Variants in ZNF138 observed in about 807,000 individuals in gnomAD.
ZNF138 encodes zinc finger protein 138 (clone pHZ-32).
ZNF138 carries 33 observed loss-of-function variants against 33.0 expected under a neutral mutation model. The ratio of observed to expected loss-of-function variants is 1.00; its 90% CI spans 0.76 to 1.34. The LOEUF is 1.34. Ranked by LOEUF, ZNF138 falls within the 40% of genes most tolerant of loss-of-function variation. The pLI, the probability that ZNF138 is intolerant of heterozygous loss-of-function variation, is 0.00. For missense variants in ZNF138, 360 were observed against 370.8 expected, an observed-to-expected ratio of 0.97 and a Z score of 0.24; for synonymous variants, 139 against 120.4, an observed-to-expected ratio of 1.15 and a Z score of -1.01.
chr7:64,815,518 T>A, intron 2 of ZNF138, 58 bp from the exon 3 acceptor site: 1 of 1,506,328 alleles, frequency 6.6e-7, no homozygotes, highest in Non-Finnish European at 9.1e-7. Flanking sequence ...TTGGAGAATA[T>A]GAGCCAGAGT....
the ZNF138 span, chr7:64,852,587 G>T: frequency 6.5e-7 from 1 of 1,538,434 alleles, no homozygotes; most frequent in Non-Finnish European, 9.0e-7. Context: ...TTGCTCACAT[G>T]GTAAACAGAT....
chr7:64,806,169 C>T lies in ZNF138; in HGVS notation c.4-8749C>T, dbSNP rs146006761. Among the ~76,000 whole-genome samples, 147 of 152,268 alleles carry T rather than the reference C, an allele frequency of 9.7e-4. 1 individual carries two copies. Among genetic ancestry groups the T allele is most frequent in the African/African-American group, 3.1e-3 (129 of 41,560 alleles). ...CCAACCAAGCTTTAATCTAGAGGGG[C>T]CTTTCTCAGGCTTCCAGTCAACTCA... On this transcript the variant is annotated intron_variant, in intron 1 of 3. Coordinates refer to ENST00000307355, the MANE Select transcript of ZNF138 (RefSeq NM_001271639.2).
chr7:64,828,010 T>G (rs1289759778), intron 3 of ZNF138, among the ~76,000 whole-genome samples: 4 of 152,166 alleles, frequency 2.6e-5, no homozygotes, highest in Non-Finnish European at 5.9e-5. Flanking sequence ...GTGTTTTTTA[T>G]AACTTATTTA....
the ZNF138 span, among the ~76,000 whole-genome samples, chr7:64,839,822 A>G: frequency 1.3e-5 from 2 of 152,076 alleles, no homozygotes; most frequent in African/African-American, 4.8e-5. Flanking sequence ...ATGAAAGGCA[A>G]TGGAAGGGCA....
At chr7:64,846,269 C>T in the ZNF138 span, among the ~76,000 whole-genome samples, 9 of 151,854 alleles carry the variant, frequency 5.9e-5, no homozygotes, top group African/African-American at 2.2e-4. Context: ...CCATATGAAT[C>T]GTAGGATTGT....
At position 64,832,226 on chromosome 7, in the gene ZNF138, T is replaced by G. The variant is rs984627087; in HGVS notation, c.*24T>G. 1.2e-6 allele frequency: 2 copies of G among 1,602,530 alleles called. No homozygotes were observed. Among genetic ancestry groups the G allele is most frequent in the Non-Finnish European group, 1.7e-6 (2 of 1,176,714 alleles). ...AACAACTTACTGAACATAAGAAAAT[T>G]TACACTAGAGAGAAAGCCTACAAAT... On this transcript the variant is annotated 3_prime_UTR_variant, in exon 4 of 4. Coordinates refer to ENST00000307355, the MANE Select transcript of ZNF138 (RefSeq NM_001271639.2).
the ZNF138 span, among the ~76,000 whole-genome samples, chr7:64,839,267 G>T: frequency 3.4e-3 from 519 of 152,286 alleles, 8 homozygotes; most frequent in African/African-American, 0.012. Context: ...TTAAATCTTG[G>T]TCGAGTTGTA....
Position 64,832,449 on chromosome 7 carries a change from TACTC to T in ZNF138, c.*249_*252del, listed in dbSNP as rs1790175166. 4.3e-6 allele frequency: 6 copies of T among 1,408,278 alleles called. No individual in the cohort carries two copies. The highest frequency in any genetic ancestry group is 5.6e-6 in the Non-Finnish European group (6 of 1,064,800). The allele number at this position is 1,408,278 out of a possible 1,614,324, so 87.2% of individuals were successfully genotyped here. On this transcript the variant is annotated 3_prime_UTR_variant, in exon 4 of 4. Coordinates refer to ENST00000307355, the MANE Select transcript of ZNF138 (RefSeq NM_001271639.2). ...AGAATGTGGAAAAGCTTTTCACCGA[TACTC>T]AATCCTTAGTACACATAAGAAAATT...
intron 3 of ZNF138, among the ~76,000 whole-genome samples, chr7:64,825,496 C>A (rs1266328598): frequency 6.7e-6 from 1 of 149,392 alleles, no homozygotes; most frequent in Admixed American, 6.7e-5. Context: ...TTAAGCCACT[C>A]GGGCATTTTC....
chr7:64,809,013 T>C (rs1390985047), intron 1 of ZNF138, among the ~76,000 whole-genome samples: 205 of 119,612 alleles, frequency 1.7e-3, no homozygotes, highest in East Asian at 2.3e-3. Flanking sequence ...AACCATCCGA[T>C]TTCTCAATCT....
Position 64,833,573 on chromosome 7 carries a change from T to A in ZNF138, c.*1371T>A, listed in dbSNP as rs1478367121. The A allele has an allele frequency of 6.5e-6, 1 of 154,146 alleles. No homozygotes were observed. Among genetic ancestry groups the A allele is most frequent in the Admixed American group, 6.5e-5 (1 of 15,366 alleles). The allele number at this position is 154,146 out of a possible 1,614,324, so 9.5% of individuals were successfully genotyped here. ...ATTTATACTTCAGAAAATGTTGTAC[T>A]GATATAAAGAATGTAGAAAAGCCAT... On this transcript the variant is annotated 3_prime_UTR_variant, in exon 4 of 4. Coordinates refer to ENST00000307355, the MANE Select transcript of ZNF138 (RefSeq NM_001271639.2).
At chr7:64,823,559 C>A (rs1789338366) in intron 3 of ZNF138, among the ~76,000 whole-genome samples, 1 of 152,176 alleles carries the variant, frequency 6.6e-6, no homozygotes. Context: ...TGGTCTCAAA[C>A]TTCTGGCTTC....
At chr7:64,815,091 C>CTT in intron 2 of ZNF138, 47 bp downstream of exon 2, 1 of 1,333,916 alleles carries the variant, frequency 7.5e-7, no homozygotes, top group Non-Finnish European at 9.8e-7. Context: ...CTAAAGGTTT[C>CTT]ATTTTTTTTT....
chr7:64,813,435 GATTT>G (rs1788342535), intron 1 of ZNF138, among the ~76,000 whole-genome samples: 2 of 130,268 alleles, frequency 1.5e-5, no homozygotes, highest in African/African-American at 2.6e-5. Flanking sequence ...GCATAAAAAT[GATTT>G]TTTTTTTTTT....
intron 1 of ZNF138, among the ~76,000 whole-genome samples, chr7:64,799,736 C>G (rs7781361): frequency 1.3e-5 from 2 of 151,902 alleles, no homozygotes; most frequent in Non-Finnish European, 2.9e-5. Context: ...CTCGACCTCC[C>G]GGGTTCAAAC....
At chr7:64,810,340 G>A (rs1352061496) in intron 1 of ZNF138, among the ~76,000 whole-genome samples, 3 of 139,584 alleles carry the variant, frequency 2.1e-5, no homozygotes, top group South Asian at 2.5e-4. Flanking sequence ...GCAGGCACTC[G>A]GCAGGCTGAG....
At chr7:64,819,103 G>C (rs530586841) in intron 3 of ZNF138, among the ~76,000 whole-genome samples, 2 of 152,202 alleles carry the variant, frequency 1.3e-5, no homozygotes, top group African/African-American at 4.8e-5. Context: ...TACACTTTAA[G>C]TCAATGTGGG....
At chr7:64,847,332 ATT>A in the ZNF138 span, among the ~76,000 whole-genome samples, 8,468 of 127,720 alleles carry the variant, frequency 0.066, 346 homozygotes, top group East Asian at 0.12. Context: ...ATATATATAT[ATT>A]TTTTTTTTTT....
chr7:64,825,154 C>CTTT lies in ZNF138; in HGVS notation c.209-6263_209-6261dup, dbSNP rs71061316. 2.0e-4 allele frequency among the ~76,000 whole-genome samples: 9 copies of CTTT among 46,018 alleles called. 2 individuals are homozygous for CTTT. The highest frequency in any genetic ancestry group is 1.1e-3 in the Admixed American group (3 of 2,662). 30.2% of individuals were successfully genotyped at this position (46,018 alleles called of 152,430 possible). A position where few individuals can be genotyped will look rare whatever the true frequency, so the allele number is the denominator to read the frequency against. On this transcript the variant is annotated intron_variant, in intron 3 of 3. Coordinates refer to ENST00000307355, the MANE Select transcript of ZNF138 (RefSeq NM_001271639.2). ...TCTTGTAGGCCGCATGTTGTATGCT[C>CTTT]TTTTTTTTTTTTTTTTTTTTTTTTT...
Sources: gnomAD v4.1 joint callset for allele counts (sites outside exome capture counted in the v4.1 genomes callset) on GRCh38, gnomAD v4.1.1 for gene constraint, MANE v1.5 for transcripts, NCBI Gene and HGNC (gene_info 2026-07-23, HGNC 2026-07-21) for gene names.